Variants in JAM3 observed in about 807,000 individuals in gnomAD.
JAM3 encodes the protein junctional adhesion molecule C.
JAM3 carries 31 observed loss-of-function variants against 39.4 expected under a neutral mutation model. The ratio of observed to expected loss-of-function variants is 0.79; its 90% CI spans 0.59 to 1.06. The LOEUF is 1.06. Ranked by LOEUF, JAM3 falls within the 50% of genes least tolerant of loss-of-function variation. The pLI, the probability that JAM3 is intolerant of heterozygous loss-of-function variation, is 0.00. For synonymous variants in JAM3, 182 were observed against 148.7 expected, an observed-to-expected ratio of 1.22 and a Z score of -1.63; for missense variants, 455 against 391.4, an observed-to-expected ratio of 1.16 and a Z score of -1.37.
At chr11:134,092,247 CT>C (rs1195490876) in intron 1 of JAM3, among the ~76,000 whole-genome samples, 3 of 152,182 alleles carry the variant, frequency 2.0e-5, no homozygotes, top group African/African-American at 7.2e-5. Flanking sequence ...GTGTGATGCG[CT>C]CTGCAGCCAC....
rs1432486523 is a variant in JAM3 at position 134,093,519 on chromosome 11, C to T, written c.76+24360C>T. On this transcript the variant is annotated intron_variant, in intron 1 of 8. Transcript: ENST00000299106. ...ACATGTCACTCCCTGAGGGAAGCTT[C>T]TCCTGAGCCCTCCTTATTCATCATG... Among the ~76,000 whole-genome samples the T allele has an allele frequency of 4.5e-5, 6 of 133,234 alleles. 1 individual carries two copies. Among genetic ancestry groups the T allele is most frequent in the African/African-American group, 1.8e-4 (6 of 33,926 alleles). The allele number at this position is 133,234 out of a possible 152,430, so 87.4% of individuals were successfully genotyped here. A position where few individuals can be genotyped will look rare whatever the true frequency, so the allele number is the denominator to read the frequency against.
In JAM3 at chr11:134,149,528, G is replaced by A. The variant is rs1384195490; in HGVS notation, c.*347G>A. 1 of 505,038 alleles carries A rather than the reference G, an allele frequency of 2.0e-6. No homozygotes were observed. Among genetic ancestry groups the A allele is most frequent in the Admixed American group, 2.3e-5 (1 of 42,924 alleles). 31.3% of individuals were successfully genotyped at this position (505,038 alleles called of 1,614,324 possible). The stretch of plus-strand genomic sequence containing the variant: ...GCCCGTGCTGGGCCCTGTGAAGCCA[G>A]CATGTTCACCACTGGTCGTTCAGCA... On this transcript the variant is annotated 3_prime_UTR_variant, in exon 9 of 9. Transcript: ENST00000299106.
Position 134,145,958 on chromosome 11 carries a change from G to A in JAM3, c.625G>A (p.Val209Ile). The change falls in exon 6 of 9, where the codon GTT becomes ATT. Residue 209 changes from valine (V) to isoleucine (I), a missense_variant. Physicochemically the swap from Val to Ile is conservative, Grantham distance 29. Coordinates refer to ENST00000299106, the MANE Select transcript of JAM3 (RefSeq NM_032801.5). ...SETGTLVFTA[V>I]HKDDSGQYYC... ...TTCCCTGAAACAGGTGTTCACTGCTGTTCACAAGGACGACTCTGGGCAGTA... is the reference window on the plus strand; with the variant it reads ...TTCCCTGAAACAGGTGTTCACTGCTATTCACAAGGACGACTCTGGGCAGTA... 4.3e-6 allele frequency: 7 copies of A among 1,613,072 alleles called. No individual in the cohort carries two copies. Among genetic ancestry groups the A allele is most frequent in the South Asian group, 2.2e-5 (2 of 91,066 alleles).
At chr11:134,116,541 A>AT (rs1188789230) in intron 1 of JAM3, among the ~76,000 whole-genome samples, 3 of 151,996 alleles carry the variant, frequency 2.0e-5, no homozygotes, top group South Asian at 2.1e-4. Flanking sequence ...GGTGGCTGGG[A>AT]TTTTTTGTCG....
intron 1 of JAM3, among the ~76,000 whole-genome samples, chr11:134,136,189 C>CT (rs1942862583): frequency 6.6e-6 from 1 of 152,134 alleles, no homozygotes; most frequent in Middle Eastern, 3.2e-3. Flanking sequence ...AGCAGTTTTC[C>CT]TTTTTCCGCC....
intron 1 of JAM3, among the ~76,000 whole-genome samples, chr11:134,079,443 G>T (rs1490481227): frequency 6.6e-6 from 1 of 152,114 alleles, no homozygotes; most frequent in East Asian, 1.9e-4. Context: ...TTTACTGAAA[G>T]GTGCCGTCTG....
chr11:134,080,256 A>G (rs983342255), intron 1 of JAM3, among the ~76,000 whole-genome samples: 4 of 152,214 alleles, frequency 2.6e-5, no homozygotes, highest in Middle Eastern at 3.2e-3. Context: ...AAAATTCTCA[A>G]TCTTTTATTT....
At chr11:134,141,657 C>T (rs1942974326) in intron 3 of JAM3, among the ~76,000 whole-genome samples, 1 of 152,008 alleles carries the variant, frequency 6.6e-6, no homozygotes, top group Non-Finnish European at 1.5e-5. Flanking sequence ...AAGTCAGAGG[C>T]CTTCTGCAGA....
intron 3 of JAM3, among the ~76,000 whole-genome samples, chr11:134,141,397 T>C (rs1214576782): frequency 2.6e-5 from 4 of 151,824 alleles, no homozygotes; most frequent in African/African-American, 9.7e-5. Context: ...GACTGGCTGA[T>C]GGGAAAGACT....
intron 1 of JAM3, among the ~76,000 whole-genome samples, chr11:134,119,080 C>A (rs1171600993): frequency 6.6e-6 from 1 of 150,772 alleles, no homozygotes; most frequent in African/African-American, 2.4e-5. Flanking sequence ...GCAAGCACAT[C>A]GGCTAATTTT....
At position 134,139,907 on chromosome 11, in the gene JAM3, G is replaced by C; in HGVS notation, c.133G>C (p.Glu45Gln). Residue 45 changes from glutamate to glutamine, a missense_variant, in exon 2 of 9, where the codon GAA (glutamate) becomes CAA (glutamine). Physicochemically the swap from Glu to Gln is conservative, Grantham distance 29. Coordinates refer to ENST00000299106, the MANE Select transcript of JAM3 (RefSeq NM_032801.5). ...KSSNRTPVVQEFESVELSCII... is the reference protein window; with the variant it reads ...KSSNRTPVVQQFESVELSCII... ...CAGCAATCGAACCCCAGTGGTACAG[G>C]AATTTGAAAGTAAGTACAAACGAAA... The C allele has an allele frequency of 6.2e-7, 1 of 1,613,240 alleles. No homozygotes were observed. Among genetic ancestry groups the C allele is most frequent in the Non-Finnish European group, 8.5e-7 (1 of 1,179,224 alleles).
chr11:134,111,133 C>CTT (rs71038561), intron 1 of JAM3, among the ~76,000 whole-genome samples: 2,993 of 86,720 alleles, frequency 0.035, 642 homozygotes, highest in African/African-American at 0.048. Flanking sequence ...ACACATCCAT[C>CTT]TTTTTTTTTT....
At chr11:134,134,412 A>AAAAAC (rs1942825219) in intron 1 of JAM3, among the ~76,000 whole-genome samples, 3 of 151,302 alleles carry the variant, frequency 2.0e-5, no homozygotes, top group Non-Finnish European at 3.0e-5. Context: ...AAAAAAAAAA[A>AAAAAC]AAAAAAAAAA....
At chr11:134,112,404 A>G (rs1196765725) in intron 1 of JAM3, among the ~76,000 whole-genome samples, 1 of 152,280 alleles carries the variant, frequency 6.6e-6, no homozygotes, top group Admixed American at 6.5e-5. Context: ...TCAATTTAAA[A>G]TGGGCTGTAT....
chr11:134,139,702 T>C (rs1942939343), intron 1 of JAM3, 149 bp from the exon 2 acceptor site: 10 of 687,320 alleles, frequency 1.5e-5, no homozygotes, highest in Middle Eastern at 3.5e-4. Flanking sequence ...TTAACTTGGC[T>C]TACCTAAGAG....
At chr11:134,130,457 G>C (rs954254222) in intron 1 of JAM3, among the ~76,000 whole-genome samples, 1 of 152,118 alleles carries the variant, frequency 6.6e-6, no homozygotes, top group African/African-American at 2.4e-5. Context: ...AAAAAAAATA[G>C]TGACAAGGCT....
chr11:134,144,735 T>A, intron 4 of JAM3, 57 bp from the exon 5 acceptor site: 2 of 1,470,134 alleles, frequency 1.4e-6, no homozygotes, highest in Non-Finnish European at 1.9e-6. Flanking sequence ...TTCTGGGCTT[T>A]AATAAGAATA....
At position 134,145,013 on chromosome 11, in the gene JAM3, G is replaced by C. The variant is rs753017440; in HGVS notation, c.612+19G>C. On this transcript the variant is annotated intron_variant, in intron 5 of 8. Coordinates refer to ENST00000299106, the MANE Select transcript of JAM3 (RefSeq NM_032801.5). The stretch of plus-strand genomic sequence containing the variant: ...CACTTTGGTAAGATCTCTTCTAAGA[G>C]GTGAGGATGGAGATGTCTTTGTTGG... 2 of 1,579,126 alleles carry C rather than the reference G, an allele frequency of 1.3e-6. No homozygotes were observed. The highest frequency in any genetic ancestry group is 1.7e-5 in the Admixed American group (1 of 59,990).
chr11:134,083,519 G>T (rs562553207), intron 1 of JAM3, among the ~76,000 whole-genome samples: 2 of 152,206 alleles, frequency 1.3e-5, no homozygotes, highest in African/African-American at 2.4e-5. Context: ...GAGTGTTTTT[G>T]TTTTGCTCTC....
Sources: allele counts gnomAD v4.1 joint callset (sites outside exome capture counted in the v4.1 genomes callset), GRCh38; gene constraint gnomAD v4.1.1; transcripts MANE v1.5; gene names NCBI Gene and HGNC (gene_info 2026-07-23, HGNC 2026-07-21).